Variants in GPM6A observed in about 807,000 individuals in gnomAD.
The protein encoded by GPM6A is glycoprotein M6A, also known as neuronal membrane glycoprotein M6-a.
In GPM6A, 7 loss-of-function variants were observed where a neutral mutation model predicts 32.1. The ratio of observed to expected loss-of-function variants is 0.22; its 90% confidence interval spans 0.12 to 0.41. The LOEUF is 0.41. Ranked by LOEUF, GPM6A falls within the 10% of genes least tolerant of loss-of-function variation. The pLI is 1.00. For synonymous variants in GPM6A, 130 were observed against 123.4 expected, an observed-to-expected ratio of 1.05 and a Z score of -0.35; for missense variants, 235 against 347.2, an observed-to-expected ratio of 0.68 and a Z score of 2.57.
rs568516933 is a variant in GPM6A, at chr4:175,649,097, A to C, written c.541+2737T>G. Among the ~76,000 whole-genome samples, 20 of 152,080 alleles carry C rather than the reference A, an allele frequency of 1.3e-4. No individual in the cohort carries two copies. In the South Asian group the frequency reaches 3.9e-3, roughly 30 times the overall value. On this transcript the variant is annotated intron_variant, in intron 4 of 6. Transcript: ENST00000393658. ...AAATAATTGTGCTAAGATTCAGGACACTCCCCTTTCAATCCCAGCACGGCC... is the reference window on the plus strand; with the variant it reads ...AAATAATTGTGCTAAGATTCAGGACCCTCCCCTTTCAATCCCAGCACGGCC...
intron 1 of GPM6A, among the ~76,000 whole-genome samples, chr4:175,780,046 CT>C (rs112638875): frequency 0.013 from 1,923 of 143,780 alleles, 35 homozygotes; most frequent in African/African-American, 0.04. Flanking sequence ...CATGTGTTAA[CT>C]TTTTTTTTTT....
At chr4:175,637,276 A>T (rs1164483632) in intron 6 of GPM6A, among the ~76,000 whole-genome samples, 7 of 66,348 alleles carry the variant, frequency 1.1e-4, no homozygotes, top group East Asian at 5.7e-4. Flanking sequence ...ATTATATATT[A>T]TATATTATAT....
chr4:175,791,092 AT>A (rs1181814439), intron 1 of GPM6A, among the ~76,000 whole-genome samples: 1 of 152,038 alleles, frequency 6.6e-6, no homozygotes, highest in South Asian at 2.1e-4. Context: ...CTAGAGTTCC[AT>A]TTTTTTCACA....
chr4:175,681,497 T>C (rs1017884471), intron 2 of GPM6A, among the ~76,000 whole-genome samples: 1 of 152,210 alleles, frequency 6.6e-6, no homozygotes, highest in Non-Finnish European at 1.5e-5. Context: ...ATTATACTTT[T>C]GTCTGTTGAT....
At chr4:175,946,046 T>C (rs960735659) in intron 1 of GPM6A, among the ~76,000 whole-genome samples, 1 of 152,168 alleles carries the variant, frequency 6.6e-6, no homozygotes, top group Non-Finnish European at 1.5e-5. Flanking sequence ...GCTATTTGGA[T>C]GCTAGTTACA....
chr4:175,667,198 A>T (rs1464384904), intron 3 of GPM6A, among the ~76,000 whole-genome samples: 3 of 152,176 alleles, frequency 2.0e-5, no homozygotes, highest in African/African-American at 7.2e-5. Context: ...GGGTCAGATA[A>T]TGTGTCATTT....
intron 1 of GPM6A, among the ~76,000 whole-genome samples, chr4:175,911,662 G>T (rs1738322643): frequency 6.6e-6 from 1 of 152,150 alleles, no homozygotes; most frequent in Non-Finnish European, 1.5e-5. Flanking sequence ...TGGTTGTATT[G>T]AAAATCAGGA....
At chr4:175,760,116 C>T (rs780515835) in intron 1 of GPM6A, among the ~76,000 whole-genome samples, 1 of 152,172 alleles carries the variant, frequency 6.6e-6, no homozygotes, top group Non-Finnish European at 1.5e-5. Flanking sequence ...GTGGAGGTTG[C>T]AGTGAGCGGA....
chr4:175,905,447 T>G (rs1738100022), intron 1 of GPM6A, among the ~76,000 whole-genome samples: 1 of 152,062 alleles, frequency 6.6e-6, no homozygotes, highest in South Asian at 2.1e-4. Context: ...CCCAAGACAA[T>G]TCTTCTTCTT....
chr4:175,869,424 A>G (rs2111435470), intron 1 of GPM6A, among the ~76,000 whole-genome samples: 1 of 152,268 alleles, frequency 6.6e-6, no homozygotes, highest in Admixed American at 6.5e-5. Flanking sequence ...AAGTAAGTTA[A>G]TCACTTACAG....
intron 1 of GPM6A, among the ~76,000 whole-genome samples, chr4:175,997,732 A>C (rs1741352770): frequency 6.6e-6 from 1 of 152,184 alleles, no homozygotes; most frequent in Admixed American, 6.5e-5. Context: ...TTTTTGTCTA[A>C]ATTTGCAAAC....
At chr4:175,726,921 A>G (rs1731185942) in intron 1 of GPM6A, among the ~76,000 whole-genome samples, 1 of 152,130 alleles carries the variant, frequency 6.6e-6, no homozygotes, top group East Asian at 1.9e-4. Flanking sequence ...ACTTGAACCC[A>G]GGAGATGGAG....
At chr4:175,734,154 A>ATT (rs1237050957) in intron 1 of GPM6A, among the ~76,000 whole-genome samples, 2 of 82,764 alleles carry the variant, frequency 2.4e-5, no homozygotes, top group East Asian at 7.3e-4. Flanking sequence ...ATATATATAT[A>ATT]TATATATTTT....
chr4:175,906,389 G>A (rs969040532), intron 1 of GPM6A, among the ~76,000 whole-genome samples: 1 of 152,048 alleles, frequency 6.6e-6, no homozygotes, highest in Non-Finnish European at 1.5e-5. Context: ...ATTTGGTTTT[G>A]GCTTTTGATT....
At chr4:175,869,764 A>G (rs909592702) in intron 1 of GPM6A, among the ~76,000 whole-genome samples, 2 of 128,852 alleles carry the variant, frequency 1.6e-5, no homozygotes, top group African/African-American at 6.5e-5. Flanking sequence ...CTCAAAAAAA[A>G]CAAAAACAAA....
intron 1 of GPM6A, among the ~76,000 whole-genome samples, chr4:175,728,822 C>T (rs921151243): frequency 7.9e-5 from 12 of 152,156 alleles, no homozygotes; most frequent in African/African-American, 2.9e-4. Context: ...AAGGTGTATT[C>T]AGCCTCACAA....
chr4:175,683,777 C>T (rs901589125), intron 2 of GPM6A, among the ~76,000 whole-genome samples: 6 of 151,972 alleles, frequency 3.9e-5, no homozygotes, highest in Non-Finnish European at 7.4e-5. Flanking sequence ...TAATAGATGC[C>T]ACTATACTTC....
intron 1 of GPM6A, among the ~76,000 whole-genome samples, chr4:175,959,105 C>A (rs1367267381): frequency 6.6e-6 from 1 of 152,072 alleles, no homozygotes. Flanking sequence ...AATTATTCTA[C>A]AAAATCAATT....
intron 1 of GPM6A, among the ~76,000 whole-genome samples, chr4:175,795,341 C>G (rs933913470): frequency 6.6e-6 from 1 of 152,188 alleles, no homozygotes; most frequent in Admixed American, 6.5e-5. Flanking sequence ...TTCCGAGTAG[C>G]ATTCATGTCT....
Sources: allele counts gnomAD v4.1 joint callset (sites outside exome capture counted in the v4.1 genomes callset), GRCh38; gene constraint gnomAD v4.1.1; transcripts MANE v1.5; gene names NCBI Gene and HGNC (gene_info 2026-07-23, HGNC 2026-07-21).